ANK2: variants seen among roughly 807,000 people sequenced by gnomAD.
ANK2 encodes the protein ankyrin-2.
ANK2 carries 83 observed loss-of-function variants against 360.5 expected under a neutral mutation model. The observed-to-expected ratio is 0.23, with a 90% CI of 0.19 to 0.28. The LOEUF (loss-of-function observed/expected upper bound fraction) is 0.28, where lower values mean the gene tolerates loss of function less well. ANK2 is among the 10% of genes least tolerant of loss of function. The probability of loss-of-function intolerance (pLI) is 1.00; values close to 1 mark genes in which losing one functional copy is unlikely to be tolerated. For missense variants in ANK2, 4,201 were observed against 4,795.7 expected (o/e 0.88, Z 3.66); for synonymous variants, 1,740 against 1,759.5 (o/e 0.99, Z 0.28).
chr4:113,032,756 A>C (rs751298128), intron 2 of ANK2, among the ~76,000 whole-genome samples: 1 of 152,090 alleles, frequency 6.6e-6, no homozygotes, highest in Non-Finnish European at 1.5e-5. Flanking sequence ...TCCAAGAGAC[A>C]GTCACCCTGT....
intron 10 of ANK2, among the ~76,000 whole-genome samples, chr4:113,253,790 G>T (rs562228691): frequency 1.3e-5 from 2 of 152,182 alleles, no homozygotes; most frequent in East Asian, 3.9e-4. Context: ...CCCTTCTTTT[G>T]CATTCTGTCC....
intron 23 of ANK2, among the ~76,000 whole-genome samples, chr4:113,303,637 G>A (rs574184949): frequency 6.6e-6 from 1 of 151,702 alleles, no homozygotes; most frequent in South Asian, 2.1e-4. Flanking sequence ...TAATCCACTT[G>A]GATAAAAAAA....
chr4:113,329,669 T>G (rs1396158569), intron 26 of ANK2, among the ~76,000 whole-genome samples: 1 of 152,166 alleles, frequency 6.6e-6, no homozygotes, highest in Non-Finnish European at 1.5e-5. Context: ...AAAAGTACAT[T>G]TTAACCAGCA....
At chr4:113,037,180 A>G (rs2061794597) in intron 2 of ANK2, among the ~76,000 whole-genome samples, 1 of 152,028 alleles carries the variant, frequency 6.6e-6, no homozygotes, top group Admixed American at 6.6e-5. Flanking sequence ...TCACAGTTCA[A>G]CACTTTCTAG....
At chr4:113,013,286 C>G (rs1195085655) in intron 2 of ANK2, among the ~76,000 whole-genome samples, 1 of 152,106 alleles carries the variant, frequency 6.6e-6, no homozygotes, top group East Asian at 1.9e-4. Flanking sequence ...CCTACCTAGT[C>G]AAAGATCATT....
Position 113,197,501 on chromosome 4 carries a change from A to G in ANK2, c.285+1035A>G, listed in dbSNP as rs567525855. Among the ~76,000 whole-genome samples the G allele has an allele frequency of 8.1e-4, 124 of 152,348 alleles. 1 individual carries two copies. The highest frequency in any genetic ancestry group is 2.9e-3 in the African/African-American group (120 of 41,592). ...CTGCTGACCAAGCCTTGAATGTGAT[A>G]ATATGGCTGTGGAAGATGTAGAGAG... On this transcript the variant is annotated intron_variant, in intron 3 of 45. Coordinates refer to ENST00000357077, the MANE Select transcript of ANK2 (RefSeq NM_001148.6).
At chr4:113,310,622 G>T (rs1279930443) in intron 23 of ANK2, among the ~76,000 whole-genome samples, 1 of 152,146 alleles carries the variant, frequency 6.6e-6, no homozygotes, top group Non-Finnish European at 1.5e-5. Flanking sequence ...TCACTATATT[G>T]GTCAGGCTGG....
the ANK2 span, among the ~76,000 whole-genome samples, chr4:112,763,302 C>G: frequency 6.6e-6 from 1 of 151,252 alleles, no homozygotes; most frequent in Non-Finnish European, 1.5e-5. Context: ...GATCTCCGCT[C>G]ACTGCAAGCT....
At chr4:112,948,220 G>C (rs971249671) in intron 2 of ANK2, among the ~76,000 whole-genome samples, 10 of 152,140 alleles carry the variant, frequency 6.6e-5, no homozygotes, top group South Asian at 4.1e-4. Context: ...AGTCTGTAAG[G>C]CTGCTTGAGG....
chr4:113,061,578 G>A (rs950644607), intron 1 of ANK2, among the ~76,000 whole-genome samples: 9 of 151,954 alleles, frequency 5.9e-5, no homozygotes, highest in Non-Finnish European at 1.0e-4. Context: ...ACATACACAC[G>A]TACACACGCA....
intron 2 of ANK2, among the ~76,000 whole-genome samples, chr4:112,947,855 G>A (rs201844630): frequency 6.6e-6 from 1 of 152,156 alleles, no homozygotes; most frequent in East Asian, 1.9e-4. Flanking sequence ...CCCAACACAG[G>A]CTGTTTTGAT....
intron 1 of ANK2, among the ~76,000 whole-genome samples, chr4:113,081,814 T>G (rs982519020): frequency 1.3e-5 from 2 of 151,514 alleles, no homozygotes; most frequent in Admixed American, 1.3e-4. Flanking sequence ...AACACGTATT[T>G]TTTTTTTTTT....
At chr4:113,095,443 AT>A (rs1329635459) in intron 1 of ANK2, among the ~76,000 whole-genome samples, 2 of 152,214 alleles carry the variant, frequency 1.3e-5, no homozygotes, top group Non-Finnish European at 2.9e-5. Flanking sequence ...ATTTGGAGTC[AT>A]TTTAATGATG....
At chr4:112,781,486 G>GA in the ANK2 span, among the ~76,000 whole-genome samples, 2 of 151,254 alleles carry the variant, frequency 1.3e-5, no homozygotes, top group African/African-American at 4.9e-5. Flanking sequence ...CTTTCAGAAA[G>GA]AAAAAAAACA....
chr4:113,290,942 C>A (rs1587357170), intron 20 of ANK2, among the ~76,000 whole-genome samples: 1 of 152,202 alleles, frequency 6.6e-6, no homozygotes, highest in Non-Finnish European at 1.5e-5. Flanking sequence ...CAAATATCCT[C>A]ACTGGGGATT....
chr4:113,306,199 T>C (rs1175213339), intron 23 of ANK2, among the ~76,000 whole-genome samples: 1 of 152,242 alleles, frequency 6.6e-6, no homozygotes, highest in African/African-American at 2.4e-5. Context: ...TAAGGCACTA[T>C]GTTGTCAGTT....
intron 1 of ANK2, among the ~76,000 whole-genome samples, chr4:113,124,445 C>T (rs572621316): frequency 6.6e-6 from 1 of 152,282 alleles, no homozygotes; most frequent in East Asian, 1.9e-4. Flanking sequence ...TCTTTCAATA[C>T]TCCTAACTCT....
At chr4:113,226,324 G>C (rs991272345) in intron 4 of ANK2, among the ~76,000 whole-genome samples, 1 of 152,152 alleles carries the variant, frequency 6.6e-6, no homozygotes, top group Non-Finnish European at 1.5e-5. Flanking sequence ...ACTGATCCCT[G>C]CCTATCTAAG....
chr4:112,953,721 T>C (rs1581806088), intron 2 of ANK2, among the ~76,000 whole-genome samples: 1 of 152,200 alleles, frequency 6.6e-6, no homozygotes, highest in Admixed American at 6.5e-5. Flanking sequence ...CTGGCAGAGG[T>C]AGTTCTTTTG....
Sources: allele counts gnomAD v4.1 joint callset (sites outside exome capture counted in the v4.1 genomes callset), GRCh38; gene constraint gnomAD v4.1.1; transcripts MANE v1.5; gene names NCBI Gene and HGNC (gene_info 2026-07-23, HGNC 2026-07-21).